Variants in CNTNAP4 observed in about 807,000 individuals in gnomAD.
The protein encoded by CNTNAP4 is contactin-associated protein-like 4.
In CNTNAP4, 98 loss-of-function variants were observed where a neutral mutation model predicts 148.4. The observed-to-expected ratio is 0.66, with a 90% confidence interval of 0.56 to 0.78. The LOEUF (loss-of-function observed/expected upper bound fraction) is 0.78. Among genes scored for constraint, CNTNAP4 ranks in the 30% least tolerant of loss-of-function variants. The pLI is 0.00. For missense variants in CNTNAP4, 1,935 were observed against 1,565.6 expected, an observed-to-expected ratio of 1.24 and a Z score of -3.98; for synonymous variants, 730 against 565.1, an observed-to-expected ratio of 1.29 and a Z score of -4.14.
chr16:76,380,504 AT>A (rs754216784), intron 3 of CNTNAP4, among the ~76,000 whole-genome samples: 7 of 151,844 alleles, frequency 4.6e-5, no homozygotes, highest in East Asian at 1.9e-4. Context: ...TGTATTCTCT[AT>A]TTTTTTTCTG....
At chr16:76,345,008 A>C (rs1964788298) in intron 2 of CNTNAP4, among the ~76,000 whole-genome samples, 1 of 152,182 alleles carries the variant, frequency 6.6e-6, no homozygotes. Context: ...AGTCTGATTG[A>C]GTTGATCCTA....
At chr16:76,380,566 G>C (rs6564325) in intron 3 of CNTNAP4, among the ~76,000 whole-genome samples, 1 of 152,000 alleles carries the variant, frequency 6.6e-6, no homozygotes, top group African/African-American at 2.4e-5. Flanking sequence ...AGATTCAAGC[G>C]AAGTGTAACA....
chr16:76,429,993 A>C (rs1276094885), intron 4 of CNTNAP4, among the ~76,000 whole-genome samples: 3 of 152,206 alleles, frequency 2.0e-5, no homozygotes, highest in African/African-American at 7.2e-5. Context: ...AATAAACTTA[A>C]TGGATAAACA....
At chr16:76,461,770 C>T (rs2080971254) in intron 8 of CNTNAP4, among the ~76,000 whole-genome samples, 186 bp from the exon 9 acceptor site, 1 of 152,094 alleles carries the variant, frequency 6.6e-6, no homozygotes, top group African/African-American at 2.4e-5. Flanking sequence ...TTTGGAATGC[C>T]CCATTTTCCA....
At chr16:76,321,856 A>T (rs532640942) in intron 2 of CNTNAP4, among the ~76,000 whole-genome samples, 3 of 151,958 alleles carry the variant, frequency 2.0e-5, no homozygotes, top group African/African-American at 7.2e-5. Context: ...ATATTTAATA[A>T]CCAATACTTT....
chr16:76,474,510 T>C (rs1464484773), intron 10 of CNTNAP4, among the ~76,000 whole-genome samples: 2 of 152,092 alleles, frequency 1.3e-5, no homozygotes, highest in Admixed American at 6.6e-5. Context: ...ATTGGAAAAA[T>C]TTTATAAGCA....
rs77109437 is a variant in CNTNAP4, at chr16:76,391,216, G to A, written c.390+35705G>A. On this transcript the variant is annotated intron_variant, in intron 3 of 23. Coordinates refer to ENST00000611870, the MANE Select transcript of CNTNAP4 (RefSeq NM_033401.5). ...AATCACACTGACTGCTGGCCAAAGT[G>A]TAAAGATTTCTCCCGCTCCTTTGCA... is the stretch of plus-strand genomic sequence containing the variant. Among the ~76,000 whole-genome samples, 3 of 152,260 alleles carry A rather than the reference G, an allele frequency of 2.0e-5. No individual in the cohort carries two copies. In the East Asian group the frequency reaches 5.8e-4, roughly 29 times the overall value.
At chr16:76,390,386 A>G (rs986965932) in intron 3 of CNTNAP4, among the ~76,000 whole-genome samples, 3 of 152,136 alleles carry the variant, frequency 2.0e-5, no homozygotes, top group Non-Finnish European at 4.4e-5. Context: ...GAGCTGGGCT[A>G]TACATAGAAG....
chr16:76,351,549 T>C (rs1448364498), intron 2 of CNTNAP4, among the ~76,000 whole-genome samples: 1 of 152,186 alleles, frequency 6.6e-6, no homozygotes, highest in Non-Finnish European at 1.5e-5. Context: ...GGTAGAGATA[T>C]TTGGATTCCC....
chr16:76,506,538 T>C lies in CNTNAP4; in HGVS notation c.2365+7844T>C, dbSNP rs1160812967. Among the ~76,000 whole-genome samples the C allele has an allele frequency of 3.6e-5, 3 of 83,076 alleles. 1 individual carries two copies. The highest frequency in any genetic ancestry group is 8.4e-5 in the African/African-American group (3 of 35,780). 54.5% of individuals were successfully genotyped at this position (83,076 alleles called of 152,430 possible). A position where few individuals can be genotyped will look rare whatever the true frequency, so the allele number is the denominator to read the frequency against. Reference sequence around the variant, plus strand: ...CTCTGTTGCCCCGGCTGGAATGCAGTTGGCTCATTGCAAACTCCGCCTCCT... The same window carrying C: ...CTCTGTTGCCCCGGCTGGAATGCAGCTGGCTCATTGCAAACTCCGCCTCCT... On this transcript the variant is annotated intron_variant, in intron 15 of 23. Coordinates refer to ENST00000611870, the MANE Select transcript of CNTNAP4 (RefSeq NM_033401.5).
intron 15 of CNTNAP4, among the ~76,000 whole-genome samples, chr16:76,502,084 A>G (rs111807996): frequency 0.16 from 24,479 of 150,904 alleles, 2,584 homozygotes; most frequent in Admixed American, 0.3. Context: ...AAAAAAAAGA[A>G]TTTACAAATA....
chr16:76,524,957 A>C (rs1177285287), intron 17 of CNTNAP4, among the ~76,000 whole-genome samples: 1 of 151,992 alleles, frequency 6.6e-6, no homozygotes, highest in Non-Finnish European at 1.5e-5. Context: ...ATACTAAGGG[A>C]AGGGCTCATA....
At chr16:76,436,649 T>G (rs1297827326) in intron 4 of CNTNAP4, among the ~76,000 whole-genome samples, 1 of 152,128 alleles carries the variant, frequency 6.6e-6, no homozygotes, top group Non-Finnish European at 1.5e-5. Context: ...ATTATGTTCC[T>G]TGGTTCTCCA....
At chr16:76,358,509 C>T (rs2012996148) in intron 3 of CNTNAP4, among the ~76,000 whole-genome samples, 1 of 152,088 alleles carries the variant, frequency 6.6e-6, no homozygotes, top group Non-Finnish European at 1.5e-5. Flanking sequence ...GTAAGGCTTA[C>T]ATAGGTCTTG....
intron 3 of CNTNAP4, among the ~76,000 whole-genome samples, chr16:76,411,527 G>T (rs1472549432): frequency 6.6e-6 from 1 of 151,244 alleles, no homozygotes; most frequent in Non-Finnish European, 1.5e-5. Flanking sequence ...TAAAATGAGA[G>T]ATGCTAATTG....
At chr16:76,542,949 G>A (rs1166741531) in intron 21 of CNTNAP4, among the ~76,000 whole-genome samples, 1 of 152,158 alleles carries the variant, frequency 6.6e-6, no homozygotes, top group Non-Finnish European at 1.5e-5. Context: ...TTGGGAAGCT[G>A]ATTTTCATCC....
At chr16:76,494,155 T>G (rs577932985) in intron 13 of CNTNAP4, among the ~76,000 whole-genome samples, 85 of 152,214 alleles carry the variant, frequency 5.6e-4, no homozygotes, top group African/African-American at 2.0e-3. Flanking sequence ...CTAGATGTTC[T>G]GTCTGTTCCT....
chr16:76,328,005 T>A (rs1038215424), intron 2 of CNTNAP4, among the ~76,000 whole-genome samples: 1 of 152,212 alleles, frequency 6.6e-6, no homozygotes, highest in African/African-American at 2.4e-5. Context: ...AAAGTCATGC[T>A]TCTCATCACC....
At chr16:76,450,751 T>C (rs2080432870) in intron 7 of CNTNAP4, among the ~76,000 whole-genome samples, 1 of 152,202 alleles carries the variant, frequency 6.6e-6, no homozygotes, top group African/African-American at 2.4e-5. Context: ...ATTCTAATTC[T>C]GTGGAAACGG....
Sources: gnomAD v4.1 joint callset for allele counts (sites outside exome capture counted in the v4.1 genomes callset) on GRCh38, gnomAD v4.1.1 for gene constraint, MANE v1.5 for transcripts, NCBI Gene and HGNC (gene_info 2026-07-23, HGNC 2026-07-21) for gene names.